Variants in CEP135 observed in about 807,000 individuals in gnomAD.
CEP135 encodes the protein centrosomal protein of 135 kDa.
CEP135 carries 142 observed loss-of-function variants against 157.3 expected under a neutral mutation model. The observed-to-expected ratio is 0.90, with a 90% CI of 0.79 to 1.04. The LOEUF (loss-of-function observed/expected upper bound fraction) is 1.04, where lower values mean the gene tolerates loss of function less well. Among genes scored for constraint, CEP135 ranks in the 50% least tolerant of loss-of-function variants. The pLI is 0.00. For synonymous variants in CEP135, 396 were observed against 439.8 expected (o/e 0.90, Z 1.25); for missense variants, 1,317 against 1,309.2 (o/e 1.01, Z -0.09).
Position 55,988,821 on chromosome 4 carries a change from C to T in CEP135, c.1858-3113C>T, listed in dbSNP as rs538552102. ...AAAAAAAATACAAAAATTAGCCGGG[C>T]GTGGTGGCGGGCGCATGTAGTCCCA... On this transcript the variant is annotated intron_variant, in intron 14 of 25. Transcript: ENST00000257287. Among the ~76,000 whole-genome samples, 396 of 146,284 alleles carry T rather than the reference C, an allele frequency of 2.7e-3. 2 individuals are homozygous for T. The highest frequency in any genetic ancestry group is 9.1e-3 in the African/African-American group (361 of 39,482).
intron 25 of CEP135, among the ~76,000 whole-genome samples, chr4:56,027,534 T>A (rs1443439079): frequency 6.6e-6 from 1 of 152,192 alleles, no homozygotes; most frequent in African/African-American, 2.4e-5. Flanking sequence ...AAATAATTCC[T>A]TGGTTTTATG....
chr4:55,996,260 A>G (rs1729965896), intron 15 of CEP135, among the ~76,000 whole-genome samples: 1 of 152,118 alleles, frequency 6.6e-6, no homozygotes, highest in South Asian at 2.1e-4. Flanking sequence ...AGCTGGGACT[A>G]TAGGCATGCA....
At chr4:55,956,864 T>A (rs1728521642) in intron 4 of CEP135, among the ~76,000 whole-genome samples, 1 of 152,156 alleles carries the variant, frequency 6.6e-6, no homozygotes, top group Non-Finnish European at 1.5e-5. Context: ...TCCACCCGCC[T>A]CGGCCTTCCA....
At chr4:56,001,470 T>A (rs1469663137) in intron 17 of CEP135, among the ~76,000 whole-genome samples, 1 of 152,198 alleles carries the variant, frequency 6.6e-6, no homozygotes, top group Non-Finnish European at 1.5e-5. Flanking sequence ...CATTATTCTG[T>A]ATATGGTTAT....
intron 8 of CEP135, among the ~76,000 whole-genome samples, chr4:55,968,732 G>A (rs1728921935): frequency 2.0e-5 from 3 of 152,114 alleles, no homozygotes; most frequent in Admixed American, 2.0e-4. Flanking sequence ...GTTGGTAAAA[G>A]CAGGTATGGA....
chr4:56,018,384 G>T (rs983233915), intron 22 of CEP135, among the ~76,000 whole-genome samples: 1 of 152,060 alleles, frequency 6.6e-6, no homozygotes, highest in African/African-American at 2.4e-5. Flanking sequence ...GTAATGTTTT[G>T]GAATAGATGG....
chr4:56,020,711 C>G lies in CEP135; in HGVS notation c.3251C>G (p.Ala1084Gly). 1.2e-6 allele frequency: 2 copies of G among 1,613,604 alleles called. No homozygotes were observed. The highest frequency in any genetic ancestry group is 1.7e-6 in the Non-Finnish European group (2 of 1,179,752). The change falls in exon 24 of 26, where the codon GCT becomes GGT. Residue 1084 changes from alanine to glycine, a missense_variant. By Grantham distance (60) the Ala-to-Gly change is moderately conservative. Transcript: ENST00000257287. Reference protein sequence around the residue: ...SQSRENTMLRAKVAQLQTDYD... With the variant: ...SQSRENTMLRGKVAQLQTDYD... ...AGCCGGGAAAACACCATGCTTCGAG[C>G]TAAAGTGGCACAGTTACAAACAGAT...
At chr4:55,950,080 ATCACTT>A (rs1728314441) in intron 1 of CEP135, among the ~76,000 whole-genome samples, 1 of 151,728 alleles carries the variant, frequency 6.6e-6, no homozygotes, top group East Asian at 1.9e-4. Flanking sequence ...AAAACCCTGC[ATCACTT>A]AGGTGTCTCT....
intron 4 of CEP135, among the ~76,000 whole-genome samples, chr4:55,956,138 A>G (rs961390583): frequency 6.6e-6 from 1 of 152,190 alleles, no homozygotes; most frequent in Non-Finnish European, 1.5e-5. Context: ...GTGTGTGAAC[A>G]AACAGGTCAT....
intron 6 of CEP135, chr4:55,960,207 A>G (rs947065179): frequency 2.8e-5 from 5 of 177,782 alleles, no homozygotes; most frequent in Non-Finnish European, 4.7e-5. Flanking sequence ...TATGTTTTAT[A>G]ATTGTATTTT....
chr4:55,978,094 A>G (rs1729280952), intron 11 of CEP135, among the ~76,000 whole-genome samples: 1 of 152,188 alleles, frequency 6.6e-6, no homozygotes, highest in Non-Finnish European at 1.5e-5. Flanking sequence ...CATTAACACT[A>G]ACAAATATGT....
Position 56,011,940 on chromosome 4 carries a change from A to G in CEP135, c.2757A>G (p.Arg919=). 6.3e-7 allele frequency: 1 copy of G among 1,583,558 alleles called. No homozygotes were observed. The highest frequency in any genetic ancestry group is 8.6e-7 in the Non-Finnish European group (1 of 1,167,150). Residue 919 remains arginine (R), a synonymous_variant, in exon 21 of 26, where the codon AGA becomes AGG. Coordinates refer to ENST00000257287, the MANE Select transcript of CEP135 (RefSeq NM_025009.5). ...TTCTTTCTATTGACACTGAGAGGAG[A>G]CATCTTCGAGAAAGAGTGGAGCTAT... The part of the protein sequence containing the change: ...LELLSIDTER[R]HLRERVELLE...
rs769751447 is a variant in CEP135 at position 55,964,262 on chromosome 4, C to G, written c.700-12C>G. 12 of 1,599,516 alleles carry G rather than the reference C, an allele frequency of 7.5e-6. No individual in the cohort carries two copies. The South Asian group carries it at 1.4e-4, about 18-fold the overall frequency. On this transcript the variant is annotated splice_polypyrimidine_tract_variant and intron_variant, in intron 6 of 25. Coordinates refer to ENST00000257287, the MANE Select transcript of CEP135 (RefSeq NM_025009.5). ...CAGATTTTTTAAAATGACAGCATGA[C>G]TATATCTTCAGATTGAGCTAAGAGA... is the stretch of plus-strand genomic sequence containing the variant.
At chr4:55,993,234 A>C (rs1360220271) in intron 15 of CEP135, among the ~76,000 whole-genome samples, 10 of 152,248 alleles carry the variant, frequency 6.6e-5, no homozygotes. Context: ...ATGAGAAAAA[A>C]GACATAGTTC....
chr4:55,972,272 A>T (rs1009318452), intron 10 of CEP135, among the ~76,000 whole-genome samples: 2 of 152,204 alleles, frequency 1.3e-5, no homozygotes, highest in Non-Finnish European at 2.9e-5. Context: ...CAAAATACAT[A>T]AGGGCCCTGC....
chr4:55,998,858 C>G (rs1730064213), intron 15 of CEP135, among the ~76,000 whole-genome samples: 1 of 152,094 alleles, frequency 6.6e-6, no homozygotes, highest in Admixed American at 6.5e-5. Flanking sequence ...GAGGGAGACC[C>G]TGCCTCAAAC....
At chr4:56,008,465 A>G (rs1405947291) in intron 18 of CEP135, 83 bp downstream of exon 18, 6 of 1,084,952 alleles carry the variant, frequency 5.5e-6, no homozygotes, top group African/African-American at 4.8e-5. Flanking sequence ...CATTGCAGCA[A>G]TAGAAGAATT....
rs757729898 is a variant in CEP135 at position 55,971,345 on chromosome 4, G to A, written c.1186G>A (p.Val396Ile). ...LLVKSDLETV[V>I]HQLEQEKQRL... is the part of the protein sequence containing the mutation. ...TGTAAAATCAGACCTAGAAACTGTT[G>A]TTCATCAGCTTGAACAAGAAAAGCA... Residue 396 changes from valine (V) to isoleucine (I), a missense_variant, in exon 10 of 26, where the codon GTT becomes ATT. Physicochemically the swap from Val to Ile is conservative, Grantham distance 29. Coordinates refer to ENST00000257287, the MANE Select transcript of CEP135 (RefSeq NM_025009.5). The A allele has an allele frequency of 3.1e-6, 5 of 1,607,626 alleles. No homozygotes were observed. The South Asian group carries it at 4.4e-5, about 14-fold the overall frequency.
intron 17 of CEP135, among the ~76,000 whole-genome samples, chr4:56,003,051 T>C (rs6856844): frequency 0.13 from 19,358 of 152,232 alleles, 1,589 homozygotes; most frequent in East Asian, 0.28. Flanking sequence ...GTATTTTCTG[T>C]GGTCACAATT....
Sources: allele counts gnomAD v4.1 joint callset (sites outside exome capture counted in the v4.1 genomes callset), GRCh38; gene constraint gnomAD v4.1.1; transcripts MANE v1.5; gene names NCBI Gene and HGNC (gene_info 2026-07-23, HGNC 2026-07-21).